Variants in ATXN10 observed in about 807,000 individuals in gnomAD.
ATXN10 encodes the protein ataxin-10.
Under a neutral mutation model 52.9 loss-of-function variants are expected in ATXN10, and 28 were observed. The ratio of observed to expected loss-of-function variants is 0.53; its 90% CI spans 0.39 to 0.73. The LOEUF (loss-of-function observed/expected upper bound fraction) is 0.73. Among genes scored for constraint, ATXN10 ranks in the 30% least tolerant of loss-of-function variants. ATXN10 has a pLI of 0.00. For synonymous variants in ATXN10, 226 were observed against 221.5 expected (o/e 1.02, Z -0.18); for missense variants, 565 against 577.0 (o/e 0.98, Z 0.21).
rs1243906391 is a variant in ATXN10, at chr22:45,684,489, G to A, written c.117-5223G>A. On this transcript the variant is annotated intron_variant, in intron 1 of 11. Coordinates refer to ENST00000252934, the MANE Select transcript of ATXN10 (RefSeq NM_013236.4). This position sits in a 1 kb window ranked among gnomAD's most constrained non-coding sequence, Gnocchi z 4.1. ...TTTTTTACGTTTCTAAATGGTTGGG[G>A]AGATGATAAAGTTTCATGACACATG... is the stretch of plus-strand genomic sequence containing the variant. 6.6e-6 allele frequency among the ~76,000 whole-genome samples: 1 copy of A among 152,104 alleles called. No individual in the cohort carries two copies. The highest frequency in any genetic ancestry group is 1.5e-5 in the Non-Finnish European group (1 of 68,026).
chr22:45,834,875 T>C (rs922249733), intron 10 of ATXN10, among the ~76,000 whole-genome samples: 1 of 152,180 alleles, frequency 6.6e-6, no homozygotes, highest in South Asian at 2.1e-4. Flanking sequence ...AGATGTGACA[T>C]TGGAGTGCTG....
chr22:45,825,955 G>A lies in ATXN10; in HGVS notation c.1238-17036G>A, dbSNP rs150729111. ...TGTGCACCTGTAGTCCCAGCTACTT[G>A]GGAGGCTGAGGTGGGAGGATGTCTT... On this transcript the variant is annotated intron_variant, in intron 10 of 11. Transcript: ENST00000252934. The surrounding 1 kb of genome is among the most constrained non-coding windows in gnomAD (Gnocchi z 4.5). Among the ~76,000 whole-genome samples, 67 of 152,232 alleles carry A rather than the reference G, an allele frequency of 4.4e-4. 3 individuals are homozygous for A. In the East Asian group the frequency reaches 0.013, roughly 29 times the overall value.
Position 45,753,377 on chromosome 22 carries a change from C to T in ATXN10, c.1173+12839C>T, listed in dbSNP as rs75482987. Reference sequence around the variant, plus strand: ...AGAGGGTCCACTCACCTCTTACCAGCTTTTTTTTTTTTTTTTTTTTTTTTT... The same window carrying T: ...AGAGGGTCCACTCACCTCTTACCAGTTTTTTTTTTTTTTTTTTTTTTTTTT... On this transcript the variant is annotated intron_variant, in intron 9 of 11. Transcript: ENST00000252934. Among the ~76,000 whole-genome samples, 14 of 57,870 alleles carry T rather than the reference C, an allele frequency of 2.4e-4. No homozygotes were observed. The South Asian group carries it at 4.2e-3, about 17-fold the overall frequency. The allele number at this position is 57,870 out of a possible 152,430, so 38.0% of individuals were successfully genotyped here. A position where few individuals can be genotyped will look rare whatever the true frequency, so the allele number is the denominator to read the frequency against.
intron 9 of ATXN10, among the ~76,000 whole-genome samples, chr22:45,740,951 G>T (rs919894157): frequency 6.6e-6 from 1 of 151,982 alleles, no homozygotes; most frequent in African/African-American, 2.4e-5. Context: ...GATATAAAAG[G>T]AATATAATAT....
At chr22:45,719,793 C>T (rs1924581187) in intron 6 of ATXN10, among the ~76,000 whole-genome samples, 1 of 151,960 alleles carries the variant, frequency 6.6e-6, no homozygotes, top group Non-Finnish European at 1.5e-5. Flanking sequence ...TCCTCTTGCC[C>T]CTGCTTTATT....
chr22:45,718,511 G>A lies in ATXN10; in HGVS notation c.728+18G>A, dbSNP rs1364026339. The A allele has an allele frequency of 6.2e-6, 10 of 1,602,948 alleles. No individual in the cohort carries two copies. The highest frequency in any genetic ancestry group is 3.3e-5 in the South Asian group (3 of 90,814). On this transcript the variant is annotated intron_variant, in intron 6 of 11. Coordinates refer to ENST00000252934, the MANE Select transcript of ATXN10 (RefSeq NM_013236.4). This position sits in a 1 kb window ranked among gnomAD's most constrained non-coding sequence, Gnocchi z 4.4. ...CAAGAAAGGTAACCCCCCAACCAGC[G>A]TGGTCTGGAGTATTTAGCATTCCAT...
chr22:45,702,207 G>GACCT (rs1923867132), intron 4 of ATXN10, among the ~76,000 whole-genome samples: 2 of 152,138 alleles, frequency 1.3e-5, no homozygotes, highest in Non-Finnish European at 2.9e-5. Flanking sequence ...CCTTCCCCAG[G>GACCT]TCACCTGGCT....
intron 10 of ATXN10, among the ~76,000 whole-genome samples, chr22:45,827,286 T>C (rs1385498443): frequency 6.6e-6 from 1 of 151,896 alleles, no homozygotes; most frequent in Non-Finnish European, 1.5e-5. Flanking sequence ...GGGAAACAAA[T>C]AGCAAAATGA....
At chr22:45,693,124 G>A (rs1569025155) in intron 3 of ATXN10, 46 bp downstream of exon 3, 3 of 1,489,280 alleles carry the variant, frequency 2.0e-6, no homozygotes, top group Non-Finnish European at 2.8e-6. Flanking sequence ...TTTATAAAGG[G>A]TTCAAAACCA....
At chr22:45,834,122 T>G (rs1413045110) in intron 10 of ATXN10, among the ~76,000 whole-genome samples, 2 of 152,212 alleles carry the variant, frequency 1.3e-5, no homozygotes, top group East Asian at 3.8e-4. Context: ...GTTTTACTCG[T>G]GTTACTATTT....
chr22:45,807,895 G>A (rs899372385), intron 10 of ATXN10, among the ~76,000 whole-genome samples: 1 of 152,158 alleles, frequency 6.6e-6, no homozygotes, highest in Non-Finnish European at 1.5e-5. Flanking sequence ...GGAGACTGAG[G>A]AGGGGGGCAT....
rs1041186466 is a variant in ATXN10 at position 45,728,761 on chromosome 22, G to C, written c.729-664G>C. Among the ~76,000 whole-genome samples the C allele has an allele frequency of 3.3e-5, 5 of 152,134 alleles. No individual in the cohort carries two copies. ...GATGGTTGAAAAGAAATATTTATTT[G>C]GTAACTTATATATTGATGTAAAAAT... On this transcript the variant is annotated intron_variant, in intron 6 of 11. Transcript: ENST00000252934. This position sits in a 1 kb window ranked among gnomAD's most constrained non-coding sequence, Gnocchi z 4.3.
Position 45,740,370 on chromosome 22 carries a change from T to G in ATXN10, c.1005T>G (p.Asp335Glu). The G allele has an allele frequency of 6.2e-7, 1 of 1,613,912 alleles. No individual in the cohort carries two copies. Among genetic ancestry groups the G allele is most frequent in the Non-Finnish European group, 8.5e-7 (1 of 1,179,858 alleles). Residue 335 changes from aspartate to glutamate, a missense_variant and splice_region_variant, in exon 9 of 12, where the codon GAT (aspartate) becomes GAG (glutamate). Transcript: ENST00000252934. ...TGAAGTTTACTCTTTTGGTTATAGA[T>G]CTTTTGCGGGTGATTCATGTAGCTG... ...VFPGLLERVIDLLRVIHVAGK... is the reference protein window; with the variant it reads ...VFPGLLERVIELLRVIHVAGK...
intron 10 of ATXN10, among the ~76,000 whole-genome samples, chr22:45,814,835 G>T (rs537589151): frequency 1.3e-5 from 2 of 152,190 alleles, no homozygotes; most frequent in Admixed American, 6.5e-5. Context: ...TCTCATAGGA[G>T]CGTGAACCCT....
chr22:45,776,408 C>T (rs73173392), intron 9 of ATXN10, among the ~76,000 whole-genome samples: 2,097 of 152,204 alleles, frequency 0.014, 15 homozygotes, highest in Non-Finnish European at 0.021. Flanking sequence ...TGTCTGACCA[C>T]CTTTCATTTT....
intron 3 of ATXN10, among the ~76,000 whole-genome samples, chr22:45,693,510 G>A (rs1923466966): frequency 6.6e-6 from 1 of 152,056 alleles, no homozygotes; most frequent in Non-Finnish European, 1.5e-5. Context: ...AGCTCTCTGG[G>A]CCCCTTTTAT....
chr22:45,802,987 G>A (rs1250340071), intron 9 of ATXN10, among the ~76,000 whole-genome samples: 2 of 152,150 alleles, frequency 1.3e-5, no homozygotes, highest in South Asian at 2.1e-4. Flanking sequence ...ATTCAGTTTC[G>A]TCATGCATTT....
At position 45,843,168 on chromosome 22, in the gene ATXN10, C is replaced by G; in HGVS notation, c.1415C>G (p.Thr472Ser). 2 of 1,613,948 alleles carry G rather than the reference C, an allele frequency of 1.2e-6. No homozygotes were observed. Among genetic ancestry groups the G allele is most frequent in the Admixed American group, 3.3e-5 (2 of 60,010 alleles). The stretch of plus-strand genomic sequence containing the variant: ...CTGATCCTGAAATCTACTAGAGACA[C>G]CCCTAAGCCAGTAAGTACCCTCGAG... ...EKLILKSTRDTPKP is the reference protein window; with the variant it reads ...EKLILKSTRDSPKP The change falls in exon 11 of 12, where the codon ACC becomes AGC. Residue 472 changes from threonine to serine, a missense_variant. Physicochemically the swap from Thr to Ser is moderately conservative, Grantham distance 58. Coordinates refer to ENST00000252934, the MANE Select transcript of ATXN10 (RefSeq NM_013236.4). The surrounding 1 kb of genome is among the most constrained non-coding windows in gnomAD (Gnocchi z 4.5).
At chr22:45,698,183 A>G (rs1159098576) in intron 3 of ATXN10, among the ~76,000 whole-genome samples, 2 of 152,180 alleles carry the variant, frequency 1.3e-5, no homozygotes, top group African/African-American at 2.4e-5. Context: ...TTGCTGGGTC[A>G]TATGGTAACT....
Sources: allele counts gnomAD v4.1 joint callset (sites outside exome capture counted in the v4.1 genomes callset), GRCh38; gene constraint gnomAD v4.1.1; non-coding constraint Gnocchi (gnomAD v3.1); transcripts MANE v1.5; gene names NCBI Gene and HGNC (gene_info 2026-07-23, HGNC 2026-07-21).